TMEM143: variants seen among roughly 807,000 people sequenced by gnomAD.
The protein encoded by TMEM143 is transmembrane protein 143.
TMEM143 carries 45 observed loss-of-function variants against 40.3 expected under a neutral mutation model. The ratio of observed to expected loss-of-function variants is 1.12; its 90% CI spans 0.88 to 1.43. TMEM143 has a LOEUF of 1.43. Ranked by LOEUF, TMEM143 falls within the 40% of genes most tolerant of loss-of-function variation. The probability of loss-of-function intolerance (pLI) is 0.00; values close to 1 mark genes in which losing one functional copy is unlikely to be tolerated. For synonymous variants in TMEM143, 299 were observed against 282.7 expected (o/e 1.06, Z -0.58); for missense variants, 620 against 613.4 (o/e 1.01, Z -0.11).
chr19:48,359,286 C>A (rs1569037889), intron 3 of TMEM143, among the ~76,000 whole-genome samples: 2 of 152,034 alleles, frequency 1.3e-5, no homozygotes, highest in South Asian at 4.1e-4. Context: ...CCCGCACATT[C>A]ACTCTCCTGC....
At position 48,333,296 on chromosome 19, in the gene TMEM143, C is replaced by T; in HGVS notation, c.1303G>A (p.Gly435Ser). 6.3e-7 allele frequency: 1 copy of T among 1,579,880 alleles called. No homozygotes were observed. Among genetic ancestry groups the T allele is most frequent in the Non-Finnish European group, 8.6e-7 (1 of 1,158,154 alleles). ...TPSMGLYPPP[G>S]FPKLDPVAPI... ...GCCACTGGGTCTAGTTTGGGGAAACCCGGGGGTGGGTACAATCCCATGCTG... is the reference window on the plus strand; with the variant it reads ...GCCACTGGGTCTAGTTTGGGGAAACTCGGGGGTGGGTACAATCCCATGCTG... Residue 435 changes from glycine to serine, a missense_variant, in exon 8 of 8, where the codon GGT becomes AGT. Coordinates refer to ENST00000293261, the MANE Select transcript of TMEM143 (RefSeq NM_018273.4). The surrounding 1 kb of genome is among the most constrained non-coding windows in gnomAD (Gnocchi z 4.1).
At chr19:48,338,157 G>A (rs940627754) in intron 6 of TMEM143, among the ~76,000 whole-genome samples, 5 of 151,998 alleles carry the variant, frequency 3.3e-5, no homozygotes, top group South Asian at 2.1e-4. Context: ...CTCCCCCTTC[G>A]CCAACCTGTC....
rs4299258 is a variant in TMEM143, at chr19:48,363,586, C to G, written c.24-55G>C. 6 of 1,538,868 alleles carry G rather than the reference C, an allele frequency of 3.9e-6. No individual in the cohort carries two copies. In the Admixed American group the frequency reaches 8.2e-5, roughly 21 times the overall value. On this transcript the variant is annotated intron_variant, in intron 1 of 7. Transcript: ENST00000293261. ...AGGCCATCTAGAGGAAAAGCGCCCT[C>G]TCCACCTCCACGTCCCACCCTCCAG...
chr19:48,345,279 TAGAC>T lies in TMEM143; in HGVS notation c.441_444del (p.Ser148MetfsTer41). On this transcript the variant is annotated frameshift_variant, in exon 4 of 8. Coordinates refer to ENST00000293261, the MANE Select transcript of TMEM143 (RefSeq NM_018273.4). LOFTEE classifies it high-confidence loss of function. ...AGAGCCCGAAGCACCTCCTGCTCAT[TAGAC>T]AGACGCTGGGGATCCGTTAGTGATG... 1 of 1,610,660 alleles carries T rather than the reference TAGAC, an allele frequency of 6.2e-7. No individual in the cohort carries two copies. Among genetic ancestry groups the T allele is most frequent in the African/African-American group, 1.3e-5 (1 of 74,858 alleles).
chr19:48,336,000 G>A (rs1026431193), intron 6 of TMEM143, among the ~76,000 whole-genome samples: 2 of 152,178 alleles, frequency 1.3e-5, no homozygotes, highest in Non-Finnish European at 2.9e-5. Flanking sequence ...CTTCCCCACC[G>A]TTAGTCTCTT....
chr19:48,349,718 T>C (rs1214413545), intron 3 of TMEM143, among the ~76,000 whole-genome samples: 3 of 151,242 alleles, frequency 2.0e-5, no homozygotes, highest in African/African-American at 7.3e-5. Context: ...CCCTGTGTGG[T>C]TGGGCAGGAT....
At chr19:48,363,241 C>T in intron 2 of TMEM143, 50 bp downstream of exon 2, 1 of 1,557,720 alleles carries the variant, frequency 6.4e-7, no homozygotes, top group South Asian at 1.2e-5. Context: ...CGCCGCGAAG[C>T]CTGCTGGGAG....
At chr19:48,340,061 C>T (rs1239378692) in intron 6 of TMEM143, among the ~76,000 whole-genome samples, 2 of 151,140 alleles carry the variant, frequency 1.3e-5, no homozygotes, top group African/African-American at 2.4e-5. Flanking sequence ...GGCCTCACCC[C>T]AAGGCGTGGG....
intron 6 of TMEM143, among the ~76,000 whole-genome samples, chr19:48,337,883 G>A (rs1489454216): frequency 6.6e-6 from 1 of 152,154 alleles, no homozygotes; most frequent in Non-Finnish European, 1.5e-5. Flanking sequence ...TAGGGACCGT[G>A]TGGTATGAAA....
At chr19:48,358,481 T>TC (rs904344352) in intron 3 of TMEM143, among the ~76,000 whole-genome samples, 37 of 151,858 alleles carry the variant, frequency 2.4e-4, no homozygotes, top group African/African-American at 7.5e-4. Context: ...TCCCTGCAGA[T>TC]CTTTCTCCCC....
At chr19:48,356,429 C>CT (rs34945058) in intron 3 of TMEM143, among the ~76,000 whole-genome samples, 57,946 of 118,434 alleles carry the variant, frequency 0.49, 14,929 homozygotes, top group East Asian at 0.69. Flanking sequence ...CCCGGCCCTC[C>CT]TTTTTTTTTT....
intron 6 of TMEM143, among the ~76,000 whole-genome samples, chr19:48,339,086 G>C (rs62131990): frequency 0.053 from 8,143 of 152,220 alleles, 307 homozygotes; most frequent in African/African-American, 0.1. Context: ...GTGCCAGGCT[G>C]TGCCCAGAGG....
chr19:48,337,371 A>G (rs62131987), intron 6 of TMEM143, among the ~76,000 whole-genome samples: 8,768 of 152,098 alleles, frequency 0.058, 387 homozygotes, highest in African/African-American at 0.12. Context: ...ACATAGTGAA[A>G]CCCCGTCTCT....
rs747037503 is a variant in TMEM143, at chr19:48,342,525, C to T, written c.975+5G>A. On this transcript the variant is annotated splice_donor_5th_base_variant and intron_variant, in intron 6 of 7. Transcript: ENST00000293261. ...CCGCAGGAGGCGTGGCAGGCGCATG[C>T]TCACCTTGGAGGCCCGCAGGCCCAT... 2.7e-5 allele frequency: 44 copies of T among 1,601,402 alleles called. No individual in the cohort carries two copies. The South Asian group carries it at 4.7e-4, about 17-fold the overall frequency.
At chr19:48,343,042 G>A (rs942786146) in intron 5 of TMEM143, 24 of 677,462 alleles carry the variant, frequency 3.5e-5, no homozygotes, top group Admixed American at 9.1e-5. Flanking sequence ...AATCCTGGCC[G>A]TGCCGCATCT....
chr19:48,342,675 T>TGCAGG lies in TMEM143; in HGVS notation c.825_829dup (p.Gln277ProfsTer12). 4.3e-6 allele frequency: 7 copies of TGCAGG among 1,614,132 alleles called. No individual in the cohort carries two copies. The highest frequency in any genetic ancestry group is 1.7e-5 in the Admixed American group (1 of 60,024). ...CAGCATGAGGTTGAGCAGGGCGCGCTGCAGGGTGGGCGTGCGCACCTTCAG... is the reference window on the plus strand; with the variant it reads ...CAGCATGAGGTTGAGCAGGGCGCGCTGCAGGGCAGGGTGGGCGTGCGCACCTTCAG... On this transcript the variant is annotated frameshift_variant, in exon 6 of 8. Coordinates refer to ENST00000293261, the MANE Select transcript of TMEM143 (RefSeq NM_018273.4). LOFTEE classifies it high-confidence loss of function.
Position 48,363,487 on chromosome 19 carries a change from A to G in TMEM143, c.68T>C (p.Val23Ala), listed in dbSNP as rs1276791532. 4 of 1,613,592 alleles carry G rather than the reference A, an allele frequency of 2.5e-6. No individual in the cohort carries two copies. The South Asian group carries it at 3.3e-5, about 13-fold the overall frequency. Reference protein sequence around the residue: ...GLAMLHVTRGVWGSRVRVWPL... With the variant: ...GLAMLHVTRGAWGSRVRVWPL... ...CCATACTCGGACCCTGGACCCCCAG[A>G]CCCCCCGGGTCACATGCAGCATGGC... Residue 23 changes from valine (V) to alanine (A), a missense_variant, in exon 2 of 8, where the codon GTC becomes GCC. Coordinates refer to ENST00000293261, the MANE Select transcript of TMEM143 (RefSeq NM_018273.4).
At chr19:48,362,503 A>C (rs925087507) in intron 2 of TMEM143, among the ~76,000 whole-genome samples, 7 of 152,188 alleles carry the variant, frequency 4.6e-5, no homozygotes, top group African/African-American at 1.4e-4. Context: ...CAGTCTGGGC[A>C]ACAGAGTGAG....
chr19:48,345,214 A>G lies in TMEM143; in HGVS notation c.510T>C (p.Ser170=). ...LLAQANFSPL[S]EDTLAYALVV... ...CCAGCGCGTAGGCCAGGGTGTCCTCAGACAGCGGGGAGAAGTTGGCCTGGG... is the reference window on the plus strand; with the variant it reads ...CCAGCGCGTAGGCCAGGGTGTCCTCGGACAGCGGGGAGAAGTTGGCCTGGG... The change falls in exon 4 of 8, where the codon TCT becomes TCC. Residue 170 remains serine, a synonymous_variant. Transcript: ENST00000293261. The G allele has an allele frequency of 6.2e-7, 1 of 1,613,666 alleles. No homozygotes were observed. The highest frequency in any genetic ancestry group is 1.7e-4 in the Middle Eastern group (1 of 6,060).
Sources: gnomAD v4.1 joint callset for allele counts (sites outside exome capture counted in the v4.1 genomes callset) on GRCh38, gnomAD v4.1.1 for gene constraint, Gnocchi (gnomAD v3.1) non-coding constraint, MANE v1.5 for transcripts, NCBI Gene and HGNC (gene_info 2026-07-23, HGNC 2026-07-21) for gene names.